Variants in TEX14 observed in about 807,000 individuals in gnomAD.
TEX14 encodes the protein testis expressed 14, intercellular bridge forming factor, also known as inactive serine/threonine-protein kinase TEX14.
Under a neutral mutation model 178.6 loss-of-function variants are expected in TEX14, and 168 were observed. The ratio of observed to expected loss-of-function variants is 0.94; its 90% CI spans 0.83 to 1.07. The LOEUF (loss-of-function observed/expected upper bound fraction) is 1.07. TEX14 is among the 50% of genes least tolerant of loss of function. The pLI, the probability that TEX14 is intolerant of heterozygous loss-of-function variation, is 0.00. For missense variants in TEX14, 1,730 were observed against 1,753.6 expected (o/e 0.99, Z 0.24); for synonymous variants, 626 against 634.1 (o/e 0.99, Z 0.19).
intron 3 of TEX14, among the ~76,000 whole-genome samples, chr17:58,629,822 T>G (rs544492273): frequency 2.1e-3 from 315 of 148,714 alleles, no homozygotes; most frequent in Non-Finnish European, 3.5e-3. Context: ...GCGACAGAGC[T>G]AGACTCCGTC....
chr17:58,572,380 C>T (rs957351022), intron 23 of TEX14, among the ~76,000 whole-genome samples: 1 of 152,122 alleles, frequency 6.6e-6, no homozygotes, highest in Non-Finnish European at 1.5e-5. Context: ...CCTGTAATCC[C>T]AGCACTTTGT....
At chr17:58,573,075 T>C in intron 23 of TEX14, 106 bp downstream of exon 23, 1 of 1,486,352 alleles carries the variant, frequency 6.7e-7, no homozygotes, top group Non-Finnish European at 9.1e-7. Context: ...ACCTTTGCAC[T>C]ATGACAACAC....
At chr17:58,617,930 C>T (rs1207088651) in intron 5 of TEX14, among the ~76,000 whole-genome samples, 1 of 152,204 alleles carries the variant, frequency 6.6e-6, no homozygotes, top group Non-Finnish European at 1.5e-5. Flanking sequence ...AGGCGTCAGC[C>T]CTGATCTCTC....
intron 22 of TEX14, among the ~76,000 whole-genome samples, chr17:58,573,750 C>T (rs924666380): frequency 3.3e-5 from 5 of 152,186 alleles, no homozygotes; most frequent in African/African-American, 1.2e-4. Flanking sequence ...AACTCCTGAT[C>T]TCAGGTGATC....
At chr17:58,579,958 T>C (rs542984220) in intron 19 of TEX14, among the ~76,000 whole-genome samples, 1 of 152,318 alleles carries the variant, frequency 6.6e-6, no homozygotes, top group Admixed American at 6.5e-5. Context: ...AGGAATTATG[T>C]GACTCCGCCT....
chr17:58,608,609 A>G (rs942123963), intron 10 of TEX14, among the ~76,000 whole-genome samples: 6 of 152,240 alleles, frequency 3.9e-5, no homozygotes, highest in East Asian at 1.9e-4. Flanking sequence ...AGCACTTACC[A>G]TAAGTGGCAG....
chr17:58,679,346 C>T (rs974017044), intron 1 of TEX14, among the ~76,000 whole-genome samples: 1 of 152,154 alleles, frequency 6.6e-6, no homozygotes, highest in East Asian at 1.9e-4. Flanking sequence ...TGGCAAATCA[C>T]TGTAGTACTC....
intron 18 of TEX14, among the ~76,000 whole-genome samples, 153 bp downstream of exon 18, chr17:58,585,648 G>A (rs549837736): frequency 2.2e-5 from 3 of 138,544 alleles, no homozygotes; most frequent in Non-Finnish European, 4.6e-5. Context: ...TAGAGACCAG[G>A]TTTCATCATG....
At chr17:58,581,479 T>G (rs761522282) in intron 19 of TEX14, 35 of 1,016,684 alleles carry the variant, frequency 3.4e-5, no homozygotes, top group Non-Finnish European at 4.9e-5. Flanking sequence ...ATCACACTCC[T>G]GACACCAAAA....
At chr17:58,628,306 C>T (rs1040323534) in intron 3 of TEX14, among the ~76,000 whole-genome samples, 1 of 152,230 alleles carries the variant, frequency 6.6e-6, no homozygotes, top group Non-Finnish European at 1.5e-5. Context: ...CTGCTCGGCA[C>T]GGTGGCTCAC....
chr17:58,638,877 T>G (rs867438250), intron 2 of TEX14, among the ~76,000 whole-genome samples: 6 of 125,910 alleles, frequency 4.8e-5, no homozygotes, highest in East Asian at 2.7e-4. Context: ...TTTTTTTTTT[T>G]TGGGGAGACG....
chr17:58,626,203 C>G (rs1430899332), intron 3 of TEX14, among the ~76,000 whole-genome samples: 1 of 152,176 alleles, frequency 6.6e-6, no homozygotes, highest in East Asian at 1.9e-4. Context: ...GTTACTTGGT[C>G]CAGTAGGCAT....
rs2044471186 is a variant in TEX14, at chr17:58,569,329, G to A, written c.3818-69C>T. The A allele has an allele frequency of 2.7e-5, 33 of 1,212,054 alleles. No homozygotes were observed. The highest frequency in any genetic ancestry group is 2.6e-4 in the South Asian group (21 of 80,004). The allele number at this position is 1,212,054 out of a possible 1,614,324, so 75.1% of individuals were successfully genotyped here. A position where few individuals can be genotyped will look rare whatever the true frequency, so the allele number is the denominator to read the frequency against. On this transcript the variant is annotated intron_variant, in intron 25 of 31. Coordinates refer to ENST00000349033, the MANE Select transcript of TEX14 (RefSeq NM_031272.5). The surrounding 1 kb of genome is among the most constrained non-coding windows in gnomAD (Gnocchi z 4.1). The stretch of plus-strand genomic sequence containing the variant: ...CCTGGACCTGAACTGAATTTTTCTC[G>A]GCTCTCACATAGACTTGACTGAGGA...
chr17:58,570,077 G>T (rs1028588659), intron 25 of TEX14, among the ~76,000 whole-genome samples: 5 of 151,136 alleles, frequency 3.3e-5, no homozygotes. Context: ...ATATAACAAG[G>T]GAATAAAGCA....
intron 2 of TEX14, among the ~76,000 whole-genome samples, 175 bp downstream of exon 2, chr17:58,651,691 C>G (rs906062206): frequency 1.3e-5 from 2 of 152,166 alleles, no homozygotes; most frequent in African/African-American, 4.8e-5. Context: ...AAAACATCCT[C>G]AAAATGAGGA....
chr17:58,630,570 C>A lies in TEX14; in HGVS notation c.137-16G>T, dbSNP rs190469629. 1.3e-6 allele frequency: 2 copies of A among 1,574,656 alleles called. No homozygotes were observed. The highest frequency in any genetic ancestry group is 1.7e-5 in the Admixed American group (1 of 59,864). On this transcript the variant is annotated splice_polypyrimidine_tract_variant and intron_variant, in intron 2 of 31. Coordinates refer to ENST00000349033, the MANE Select transcript of TEX14 (RefSeq NM_031272.5). ...ACATAAATTCCTGCAAAGGAAATAT[C>A]AGAATCAATGCAAATATCAGAAAAT... is the stretch of plus-strand genomic sequence containing the variant.
At chr17:58,581,520 T>C in intron 19 of TEX14, 1 of 1,435,054 alleles carries the variant, frequency 7.0e-7, no homozygotes, top group South Asian at 1.2e-5. Flanking sequence ...AGACATTACA[T>C]ACTTTGATAT....
chr17:58,612,515 G>A (rs1429259244), intron 9 of TEX14, among the ~76,000 whole-genome samples: 9 of 151,488 alleles, frequency 5.9e-5, no homozygotes, highest in African/African-American at 1.7e-4. Flanking sequence ...CAGGTGAATC[G>A]CCTGAGGTCA....
intron 10 of TEX14, among the ~76,000 whole-genome samples, chr17:58,609,142 C>G (rs1245977874): frequency 6.6e-6 from 1 of 152,206 alleles, no homozygotes; most frequent in African/African-American, 2.4e-5. Flanking sequence ...CAGAGTCTCG[C>G]TCTGTCGCCC....
Sources: allele counts gnomAD v4.1 joint callset (sites outside exome capture counted in the v4.1 genomes callset), GRCh38; gene constraint gnomAD v4.1.1; non-coding constraint Gnocchi (gnomAD v3.1); transcripts MANE v1.5; gene names NCBI Gene and HGNC (gene_info 2026-07-23, HGNC 2026-07-21).